TRIP6: variants seen among roughly 807,000 people sequenced by gnomAD.
TRIP6 encodes the protein thyroid hormone receptor interactor 6, also known as thyroid receptor-interacting protein 6.
TRIP6 carries 33 observed loss-of-function variants against 51.9 expected under a neutral mutation model. The observed-to-expected ratio is 0.64, with a 90% CI of 0.48 to 0.85. TRIP6 has a LOEUF of 0.85. Among genes scored for constraint, TRIP6 ranks in the 40% least tolerant of loss-of-function variants. The pLI is 0.00. For missense variants in TRIP6, 661 were observed against 652.1 expected (o/e 1.01, Z -0.15); for synonymous variants, 255 against 275.8 (o/e 0.92, Z 0.75).
chr7:100,868,862 C>A lies in TRIP6; in HGVS notation c.731C>A (p.Pro244His). 1 of 1,503,710 alleles carries A rather than the reference C, an allele frequency of 6.7e-7. No homozygotes were observed. The highest frequency in any genetic ancestry group is 1.4e-5 in the South Asian group (1 of 73,436). 93.1% of individuals were successfully genotyped at this position (1,503,710 alleles called of 1,614,324 possible). Residue 244 changes from proline to histidine, a missense_variant, in exon 4 of 9, where the codon CCC (proline) becomes CAC (histidine). Transcript: ENST00000200457. ...AGAGGAAGAGGAGGCGAGCACGGGC[C>A]CCAGGTGAGCCCTGGGGAACTGGGA... ...AGRGRGGEHG[P>H]QVPLSQPPED...
chr7:100,871,394 G>C (rs774433556), intron 6 of TRIP6, 149 bp from the exon 7 acceptor site: 24 of 742,022 alleles, frequency 3.2e-5, no homozygotes, highest in Non-Finnish European at 4.9e-5. Context: ...CCTGAACTCA[G>C]ATCTGCTCAA....
Position 100,872,712 on chromosome 7 carries a change from C to T in TRIP6, c.1267C>T (p.Arg423Ter), listed in dbSNP as rs555278804. The T allele has an allele frequency of 3.7e-6, 6 of 1,613,954 alleles. No homozygotes were observed. The highest frequency in any genetic ancestry group is 2.2e-5 in the East Asian group (1 of 44,898). The change falls in exon 8 of 9, where the codon CGA becomes TGA. Residue 423 changes from arginine to a stop codon, truncating the protein, a stop_gained. Transcript: ENST00000200457. LOFTEE classifies it high-confidence loss of function. ...EETVRIVALDRSFHIGCYKCE... is the reference protein window; with the variant it reads ...EETVRIVALD ...GACTGTGAGAATTGTTGCTCTGGAT[C>T]GAAGTTTTCACATTGGCTGTTACAA...
chr7:100,871,671 C>T lies in TRIP6; in HGVS notation c.1128C>T (p.Pro376=), dbSNP rs1191434624. The part of the protein sequence containing the change: ...VVCHRGLDGI[P]FTVDATSQIH... ...GTCACCGCGGCCTCGACGGCATCCCCTTCACAGTGGATGCTACGAGCCAGA... is the reference window on the plus strand; with the variant it reads ...GTCACCGCGGCCTCGACGGCATCCCTTTCACAGTGGATGCTACGAGCCAGA... Residue 376 remains proline (P), a synonymous_variant, in exon 7 of 9, where the codon CCC becomes CCT. Coordinates refer to ENST00000200457, the MANE Select transcript of TRIP6 (RefSeq NM_003302.3). 1 of 1,614,124 alleles carries T rather than the reference C, an allele frequency of 6.2e-7. No homozygotes were observed. Among genetic ancestry groups the T allele is most frequent in the East Asian group, 2.2e-5 (1 of 44,878 alleles).
rs2115630643 is a variant in TRIP6, at chr7:100,871,675, A to G, written c.1132A>G (p.Thr378Ala). The G allele has an allele frequency of 6.2e-7, 1 of 1,613,974 alleles. No individual in the cohort carries two copies. The highest frequency in any genetic ancestry group is 1.1e-5 in the South Asian group (1 of 91,070). The change falls in exon 7 of 9, where the codon ACA (threonine) becomes GCA (alanine). Residue 378 changes from threonine to alanine, a missense_variant. Transcript: ENST00000200457. ...CHRGLDGIPFTVDATSQIHCI... is the reference protein window; with the variant it reads ...CHRGLDGIPFAVDATSQIHCI... ...CCGCGGCCTCGACGGCATCCCCTTC[A>G]CAGTGGATGCTACGAGCCAGATCCA...
intron 4 of TRIP6, among the ~76,000 whole-genome samples, chr7:100,869,632 C>CAAAAAA (rs757024618): frequency 5.3e-5 from 2 of 37,620 alleles, no homozygotes; most frequent in African/African-American, 9.8e-5. Flanking sequence ...AACTCTGTCT[C>CAAAAAA]AAAAAAAAAA....
At chr7:100,868,305 C>T in intron 3 of TRIP6, 72 bp downstream of exon 3, 1 of 1,572,506 alleles carries the variant, frequency 6.4e-7, no homozygotes, top group Non-Finnish European at 8.6e-7. Flanking sequence ...CTGATCGATC[C>T]CCCATGTGTG....
At chr7:100,870,980 G>A (rs1348088808) in intron 6 of TRIP6, 1 of 685,466 alleles carries the variant, frequency 1.5e-6, no homozygotes, top group African/African-American at 1.8e-5. Flanking sequence ...TAAAGAGAAT[G>A]TGTTAGATTC....
Position 100,867,904 on chromosome 7 carries a change from T to C in TRIP6, c.153T>C (p.Ser51=). 6.5e-7 allele frequency: 1 copy of C among 1,528,310 alleles called. No individual in the cohort carries two copies. The highest frequency in any genetic ancestry group is 1.3e-5 in the South Asian group (1 of 75,212). 94.7% of individuals were successfully genotyped at this position (1,528,310 alleles called of 1,614,324 possible). Residue 51 remains serine, a synonymous_variant, in exon 2 of 9, where the codon TCT becomes TCC. Coordinates refer to ENST00000200457, the MANE Select transcript of TRIP6 (RefSeq NM_003302.3). The surrounding 1 kb of genome is among the most constrained non-coding windows in gnomAD (Gnocchi z 5.4). ...HPRVNFCPLP[S]EQCYQAPGGP... The stretch of plus-strand genomic sequence containing the variant: ...GGGTCAATTTTTGCCCCCTTCCATC[T>C]GAGCAGTGTTACCAGGCCCCAGGGG...
At chr7:100,870,877 C>A in intron 6 of TRIP6, 134 bp downstream of exon 6, 1 of 1,265,412 alleles carries the variant, frequency 7.9e-7, no homozygotes, top group Non-Finnish European at 1.1e-6. Context: ...GATGTACAAA[C>A]AGGGCGGAAT....
In TRIP6 at chr7:100,868,343, G is replaced by A. The variant is rs571838420; in HGVS notation, c.363+110G>A. ...ATGTGCACCCCAGCATGGAGGAAGC[G>A]TGGCTGCAAGTACCAACATGTCAGC... On this transcript the variant is annotated intron_variant, in intron 3 of 8. Coordinates refer to ENST00000200457, the MANE Select transcript of TRIP6 (RefSeq NM_003302.3). The A allele has an allele frequency of 8.0e-5, 125 of 1,565,710 alleles. No individual in the cohort carries two copies. The East Asian group carries it at 1.5e-3, about 19-fold the overall frequency.
At position 100,871,277 on chromosome 7, in the gene TRIP6, C is replaced by T. The variant is rs116039459; in HGVS notation, c.1000-266C>T. Reference sequence around the variant, plus strand: ...TTGAAACTCCTGGCCTCAAGCAGTCCGCCCACTCTGGCCTCCCAAAGTGCT... The same window carrying T: ...TTGAAACTCCTGGCCTCAAGCAGTCTGCCCACTCTGGCCTCCCAAAGTGCT... On this transcript the variant is annotated intron_variant, in intron 6 of 8. Transcript: ENST00000200457. 3,111 of 552,336 alleles carry T rather than the reference C, an allele frequency of 5.6e-3. 84 individuals carry two copies. The highest frequency in any genetic ancestry group is 0.054 in the African/African-American group (2,841 of 53,010). 34.2% of individuals were successfully genotyped at this position (552,336 alleles called of 1,614,324 possible).
In TRIP6 at chr7:100,868,123, A is replaced by G. The variant is rs1367634773; in HGVS notation, c.253A>G (p.Arg85Gly). The change falls in exon 3 of 9, where the codon AGG becomes GGG. Residue 85 changes from arginine (R) to glycine (G), a missense_variant. By Grantham distance (125) the Arg-to-Gly change is moderately radical. Transcript: ENST00000200457. Reference protein sequence around the residue: ...LQHTQGLPADRGGLRPGSLDA... With the variant: ...LQHTQGLPADGGGLRPGSLDA... ...CCATCCTCAGGGGCTCCCTGCAGAC[A>G]GGGGGGGCCTTCGCCCTGGAAGCCT... 2 of 1,612,514 alleles carry G rather than the reference A, an allele frequency of 1.2e-6. No homozygotes were observed. The highest frequency in any genetic ancestry group is 8.5e-7 in the Non-Finnish European group (1 of 1,179,530).
Position 100,868,836 on chromosome 7 carries a change from A to G in TRIP6, c.705A>G (p.Gly235=). The change falls in exon 4 of 9, where the codon GGA becomes GGG. Residue 235 remains glycine, a synonymous_variant. Coordinates refer to ENST00000200457, the MANE Select transcript of TRIP6 (RefSeq NM_003302.3). ...CTGCTGGGGTCTCTGGCCCTGCAGG[A>G]AGAGGAAGAGGAGGCGAGCACGGGC... ...EEAAGVSGPA[G]RGRGGEHGPQ... 6.6e-7 allele frequency: 1 copy of G among 1,515,536 alleles called. No individual in the cohort carries two copies. The highest frequency in any genetic ancestry group is 1.3e-5 in the South Asian group (1 of 75,088). 93.9% of individuals were successfully genotyped at this position (1,515,536 alleles called of 1,614,324 possible).
At chr7:100,871,819 G>A (rs1163126131) in intron 7 of TRIP6, 98 bp downstream of exon 7, 2 of 1,437,630 alleles carry the variant, frequency 1.4e-6, no homozygotes, top group African/African-American at 2.8e-5. Flanking sequence ...TTCCAACCCT[G>A]GCCCTCCTTC....
chr7:100,872,204 T>C (rs1045954808), intron 7 of TRIP6, among the ~76,000 whole-genome samples: 1 of 111,056 alleles, frequency 9.0e-6, no homozygotes, highest in African/African-American at 3.4e-5. Context: ...TTTTTTTTTT[T>C]GTATTTTTAG....
In TRIP6 at chr7:100,868,210, G is replaced by GCGTCA; in HGVS notation, c.343_347dup (p.Arg117HisfsTer22). On this transcript the variant is annotated frameshift_variant, in exon 3 of 9. Coordinates refer to ENST00000200457, the MANE Select transcript of TRIP6 (RefSeq NM_003302.3). LOFTEE classifies it high-confidence loss of function. ...CGAGCTGAATGGGGGTCGGGGTCAT[G>GCGTCA]CGTCACGGCGACCAGACCGACAGGT... 1 of 1,608,600 alleles carries GCGTCA rather than the reference G, an allele frequency of 6.2e-7. No homozygotes were observed. Among genetic ancestry groups the GCGTCA allele is most frequent in the African/African-American group, 1.3e-5 (1 of 74,758 alleles).
In TRIP6 at chr7:100,872,701, T is replaced by C. The variant is rs1227463961; in HGVS notation, c.1256T>C (p.Val419Ala). The C allele has an allele frequency of 5.0e-6, 8 of 1,614,136 alleles. No homozygotes were observed. The highest frequency in any genetic ancestry group is 8.5e-7 in the Non-Finnish European group (1 of 1,179,998). Reference sequence around the variant, plus strand: ...GGTCAGGAGGAGACTGTGAGAATTGTTGCTCTGGATCGAAGTTTTCACATT... The same window carrying C: ...GGTCAGGAGGAGACTGTGAGAATTGCTGCTCTGGATCGAAGTTTTCACATT... ...EPGQEETVRI[V>A]ALDRSFHIGC... Residue 419 changes from valine (V) to alanine (A), a missense_variant, in exon 8 of 9, where the codon GTT (valine) becomes GCT (alanine). Coordinates refer to ENST00000200457, the MANE Select transcript of TRIP6 (RefSeq NM_003302.3).
rs1360629738 is a variant in TRIP6 at position 100,868,415 on chromosome 7, C to T, written c.364-80C>T. The T allele has an allele frequency of 5.6e-6, 9 of 1,601,934 alleles. No homozygotes were observed. The Admixed American group carries it at 1.5e-4, about 27-fold the overall frequency. On this transcript the variant is annotated intron_variant, in intron 3 of 8. Coordinates refer to ENST00000200457, the MANE Select transcript of TRIP6 (RefSeq NM_003302.3). ...CAAATGCAAAAAGCCTGTGCTTCCC[C>T]ACAGCCAGGGTCATTTCCACAAATG...
rs1418821247 is a variant in TRIP6, at chr7:100,873,211, GGCT to G, written c.1343_1345del (p.Cys448del). 6 of 1,613,500 alleles carry G rather than the reference GGCT, an allele frequency of 3.7e-6. No homozygotes were observed. Among genetic ancestry groups the G allele is most frequent in the Non-Finnish European group, 5.1e-6 (6 of 1,179,822 alleles). On this transcript the variant is annotated inframe_deletion, in exon 9 of 9. Transcript: ENST00000200457. ...GCTCTCCTCTGAGGGCGAGTGTCAG[GGCT>G]GCTACCCGCTGGATGGGCACATCTT...
Sources: allele counts gnomAD v4.1 joint callset (sites outside exome capture counted in the v4.1 genomes callset), GRCh38; gene constraint gnomAD v4.1.1; non-coding constraint Gnocchi (gnomAD v3.1); transcripts MANE v1.5; gene names NCBI Gene and HGNC (gene_info 2026-07-23, HGNC 2026-07-21).